HOMER1: variants seen among roughly 807,000 people sequenced by gnomAD.
HOMER1 encodes the protein homer protein homolog 1.
HOMER1 carries 3 observed loss-of-function variants against 48.9 expected under a neutral mutation model. That is an observed-to-expected ratio of 0.06 (90% CI 0.03 to 0.16). The LOEUF (loss-of-function observed/expected upper bound fraction) is 0.16. HOMER1 is among the 10% of genes least tolerant of loss of function. The probability of loss-of-function intolerance (pLI) is 1.00; values close to 1 mark genes in which losing one functional copy is unlikely to be tolerated. For synonymous variants in HOMER1, 134 were observed against 146.4 expected (o/e 0.92, Z 0.61); for missense variants, 247 against 411.4 (o/e 0.60, Z 3.46).
At chr5:79,486,134 T>C (rs1465722164) in intron 1 of HOMER1, among the ~76,000 whole-genome samples, 1 of 152,002 alleles carries the variant, frequency 6.6e-6, no homozygotes, top group Non-Finnish European at 1.5e-5. Flanking sequence ...TGGCCAAGAG[T>C]AAAGACTATC....
chr5:79,437,918 A>C (rs1346812582), intron 5 of HOMER1, among the ~76,000 whole-genome samples: 1 of 152,122 alleles, frequency 6.6e-6, no homozygotes, highest in Non-Finnish European at 1.5e-5. Flanking sequence ...CAGCTTCCCA[A>C]AGTGCTGGGA....
chr5:79,381,515 A>G (rs896382474), intron 8 of HOMER1, among the ~76,000 whole-genome samples: 2 of 152,206 alleles, frequency 1.3e-5, no homozygotes, highest in Non-Finnish European at 2.9e-5. Context: ...TCAAAACGAA[A>G]TTCATAAAGT....
At chr5:79,473,105 A>C (rs1319477517) in intron 1 of HOMER1, among the ~76,000 whole-genome samples, 1 of 152,260 alleles carries the variant, frequency 6.6e-6, no homozygotes, top group Non-Finnish European at 1.5e-5. Context: ...AAAAATTCCT[A>C]ACTGGTTCTC....
intron 4 of HOMER1, among the ~76,000 whole-genome samples, chr5:79,446,686 C>G (rs994529976): frequency 6.6e-6 from 1 of 151,826 alleles, no homozygotes; most frequent in African/African-American, 2.4e-5. Flanking sequence ...GTTGCCCAGG[C>G]TGGAGCACAG....
At chr5:79,457,045 A>T (rs1751194258) in intron 1 of HOMER1, 27 bp from the exon 2 acceptor site, 2 of 1,611,294 alleles carry the variant, frequency 1.2e-6, no homozygotes, top group Admixed American at 3.3e-5. Context: ...AAAATGATGG[A>T]CTGAAAGCAG....
At chr5:79,471,267 G>A (rs1284849572) in intron 1 of HOMER1, among the ~76,000 whole-genome samples, 1 of 152,166 alleles carries the variant, frequency 6.6e-6, no homozygotes, top group Non-Finnish European at 1.5e-5. Context: ...AAGGAGGCCA[G>A]GAGCGGTGGC....
rs138006403 is a variant in HOMER1 at position 79,424,039 on chromosome 5, C to T, written c.527+14971G>A. Among the ~76,000 whole-genome samples the T allele has an allele frequency of 3.3e-5, 5 of 152,102 alleles. No homozygotes were observed. The East Asian group carries it at 9.7e-4, about 29-fold the overall frequency. Reference sequence around the variant, plus strand: ...TTCAGAACACATTCTATAAACTAGTCCCATAATAAAATGGGAACTGGTACA... The same window carrying T: ...TTCAGAACACATTCTATAAACTAGTTCCATAATAAAATGGGAACTGGTACA... On this transcript the variant is annotated intron_variant, in intron 5 of 8. Transcript: ENST00000334082.
intron 5 of HOMER1, among the ~76,000 whole-genome samples, chr5:79,435,700 G>A (rs192244942): frequency 0.014 from 2,118 of 149,358 alleles, 25 homozygotes; most frequent in Middle Eastern, 0.073. Flanking sequence ...GTGTGGTGGC[G>A]GGCGCCTGTA....
chr5:79,462,723 G>C (rs562692178), intron 1 of HOMER1, among the ~76,000 whole-genome samples: 2 of 152,144 alleles, frequency 1.3e-5, no homozygotes, highest in Non-Finnish European at 2.9e-5. Flanking sequence ...TTCATCACTT[G>C]GATAGCTCTG....
intron 1 of HOMER1, among the ~76,000 whole-genome samples, chr5:79,481,760 G>A (rs1380229961): frequency 6.6e-6 from 1 of 152,114 alleles, no homozygotes; most frequent in Non-Finnish European, 1.5e-5. Context: ...ATGGGACATT[G>A]GGTAAAGTTT....
At chr5:79,434,663 G>A (rs1017927410) in intron 5 of HOMER1, among the ~76,000 whole-genome samples, 17 of 151,892 alleles carry the variant, frequency 1.1e-4, no homozygotes, top group Non-Finnish European at 1.6e-4. Flanking sequence ...TTTTTTACAC[G>A]TCTCTAAACT....
intron 2 of HOMER1, among the ~76,000 whole-genome samples, chr5:79,452,520 G>A (rs1273912554): frequency 6.6e-6 from 1 of 152,144 alleles, no homozygotes; most frequent in East Asian, 1.9e-4. Flanking sequence ...CTTAAATGTG[G>A]AATGATACAT....
intron 8 of HOMER1, among the ~76,000 whole-genome samples, chr5:79,381,284 G>A (rs1748964660): frequency 6.6e-6 from 1 of 152,196 alleles, no homozygotes; most frequent in African/African-American, 2.4e-5. Flanking sequence ...CCATGCTACT[G>A]AACACACTCG....
chr5:79,431,503 C>T (rs954342274), intron 5 of HOMER1, among the ~76,000 whole-genome samples: 1 of 151,948 alleles, frequency 6.6e-6, no homozygotes, highest in African/African-American at 2.4e-5. Flanking sequence ...CTAATGAGTA[C>T]AGGGTTTTTT....
intron 5 of HOMER1, among the ~76,000 whole-genome samples, chr5:79,418,282 C>T (rs958577048): frequency 2.0e-5 from 3 of 152,156 alleles, no homozygotes; most frequent in African/African-American, 7.2e-5. Flanking sequence ...ATAGCTTAGT[C>T]CACTACTGAT....
chr5:79,435,862 C>T (rs1362694293), intron 5 of HOMER1, among the ~76,000 whole-genome samples: 1 of 137,632 alleles, frequency 7.3e-6, no homozygotes. Context: ...CGCGGTGGCT[C>T]ACGCCTGTAA....
chr5:79,393,350 C>T lies in HOMER1; in HGVS notation c.876+3473G>A, dbSNP rs182859637. Among the ~76,000 whole-genome samples the T allele has an allele frequency of 2.2e-4, 34 of 152,194 alleles. No individual in the cohort carries two copies. In the East Asian group the frequency reaches 6.4e-3, roughly 29 times the overall value. ...TAAATTGGGAAGTCAGAGAAATTAA[C>T]ATCTGAACTAAGACCTAAACTAAAA... On this transcript the variant is annotated intron_variant, in intron 8 of 8. Transcript: ENST00000334082.
intron 5 of HOMER1, among the ~76,000 whole-genome samples, chr5:79,429,006 C>A (rs974836323): frequency 6.6e-6 from 1 of 152,184 alleles, no homozygotes; most frequent in Non-Finnish European, 1.5e-5. Context: ...TCAAAACAAT[C>A]TTGAAAATAA....
intron 5 of HOMER1, among the ~76,000 whole-genome samples, chr5:79,402,277 T>C (rs916180961): frequency 6.6e-6 from 1 of 151,966 alleles, no homozygotes; most frequent in Non-Finnish European, 1.5e-5. Flanking sequence ...GCGATTCTCC[T>C]GCCCCAGCCT....
Sources: gnomAD v4.1 joint callset for allele counts (sites outside exome capture counted in the v4.1 genomes callset) on GRCh38, gnomAD v4.1.1 for gene constraint, MANE v1.5 for transcripts, NCBI Gene and HGNC (gene_info 2026-07-23, HGNC 2026-07-21) for gene names.